TNKS: variants seen among roughly 807,000 people sequenced by gnomAD.
TNKS encodes the protein poly [ADP-ribose] polymerase tankyrase-1.
A neutral mutation model predicts 135.8 loss-of-function variants in TNKS; 72 were observed. The ratio of observed to expected loss-of-function variants is 0.53; its 90% CI spans 0.44 to 0.64. The LOEUF is 0.64. Among genes scored for constraint, TNKS ranks in the 30% least tolerant of loss-of-function variants. TNKS has a pLI of 0.00. For synonymous variants in TNKS, 849 were observed against 649.3 expected (o/e 1.31, Z -4.68); for missense variants, 1,769 against 1,674.0 (o/e 1.06, Z -0.99).
intron 9 of TNKS, 115 bp from the exon 10 acceptor site, chr8:9,709,840 G>A (rs1804234206): frequency 1.3e-6 from 1 of 744,396 alleles, no homozygotes; most frequent in Non-Finnish European, 2.3e-6. Flanking sequence ...ATATACATAT[G>A]TTCTGATACT....
chr8:9,679,636 G>A (rs1802686834), intron 3 of TNKS: 1 of 275,818 alleles, frequency 3.6e-6, no homozygotes, highest in Non-Finnish European at 7.0e-6. Context: ...AGGGGGGAGG[G>A]GACATTGTCT....
chr8:9,634,967 G>C (rs1435908205), intron 3 of TNKS, among the ~76,000 whole-genome samples: 2 of 151,930 alleles, frequency 1.3e-5, no homozygotes, highest in African/African-American at 4.8e-5. Flanking sequence ...CACGAGGTCA[G>C]GAGATCGAGA....
At chr8:9,608,617 T>C (rs1799327114) in intron 2 of TNKS, among the ~76,000 whole-genome samples, 1 of 152,154 alleles carries the variant, frequency 6.6e-6, no homozygotes, top group Non-Finnish European at 1.5e-5. Flanking sequence ...AGCCATGTGA[T>C]CCCTGGGGAC....
intron 1 of TNKS, among the ~76,000 whole-genome samples, chr8:9,563,284 A>G (rs984530766): frequency 6.6e-6 from 1 of 152,088 alleles, no homozygotes; most frequent in Non-Finnish European, 1.5e-5. Context: ...CTATTAAAAA[A>G]TATATATCTT....
At chr8:9,583,677 C>T (rs566154258) in intron 2 of TNKS, among the ~76,000 whole-genome samples, 9 of 151,934 alleles carry the variant, frequency 5.9e-5, no homozygotes, top group African/African-American at 2.2e-4. Context: ...TTATTAGAGA[C>T]AGGGTTTGAC....
At chr8:9,705,398 A>T (rs1292608838) in intron 6 of TNKS, among the ~76,000 whole-genome samples, 3 of 152,248 alleles carry the variant, frequency 2.0e-5, no homozygotes, top group Admixed American at 2.0e-4. Flanking sequence ...AAAGATAATT[A>T]ACCCTACTAC....
At chr8:9,753,534 T>C (rs982684424) in intron 20 of TNKS, among the ~76,000 whole-genome samples, 1 of 152,336 alleles carries the variant, frequency 6.6e-6, no homozygotes, top group Admixed American at 6.5e-5. Context: ...TGTTTTACTG[T>C]TTTCATACAG....
chr8:9,768,368 C>T (rs77600398), intron 25 of TNKS, among the ~76,000 whole-genome samples: 1,758 of 152,312 alleles, frequency 0.012, 33 homozygotes, highest in African/African-American at 0.04. Context: ...TCCGGAGAGG[C>T]TGTATCAACT....
intron 1 of TNKS, among the ~76,000 whole-genome samples, chr8:9,574,267 G>A (rs762888324): frequency 5.9e-5 from 9 of 152,116 alleles, no homozygotes; most frequent in Non-Finnish European, 1.2e-4. Context: ...CAGTTCATCG[G>A]GGTACACTTC....
At chr8:9,658,414 C>A in intron 3 of TNKS, 3 of 1,284,676 alleles carry the variant, frequency 2.3e-6, no homozygotes, top group Non-Finnish European at 2.1e-6. Context: ...ACTCCATCCT[C>A]CCGGCGGTCG....
At chr8:9,583,022 C>T (rs1488884563) in intron 2 of TNKS, among the ~76,000 whole-genome samples, 1 of 151,922 alleles carries the variant, frequency 6.6e-6, no homozygotes, top group African/African-American at 2.4e-5. Context: ...AAAAAATTAG[C>T]TGGGTGTGGT....
intron 26 of TNKS, among the ~76,000 whole-genome samples, chr8:9,772,930 G>T (rs1260945247): frequency 1.3e-5 from 2 of 148,418 alleles, no homozygotes; most frequent in Non-Finnish European, 3.0e-5. Context: ...TAAAGCAAAT[G>T]AGATAAATAA....
intron 1 of TNKS, among the ~76,000 whole-genome samples, chr8:9,579,509 C>T (rs1383677185): frequency 6.6e-6 from 1 of 152,036 alleles, no homozygotes; most frequent in Non-Finnish European, 1.5e-5. Flanking sequence ...CGCACTATTG[C>T]CCAGGCTGGA....
intron 26 of TNKS, among the ~76,000 whole-genome samples, chr8:9,772,675 A>T (rs1026807655): frequency 6.6e-6 from 1 of 152,140 alleles, no homozygotes; most frequent in Admixed American, 6.6e-5. Flanking sequence ...ATGTAAAATT[A>T]TAAGGTTGAT....
chr8:9,763,967 AC>A (rs1407517856), intron 22 of TNKS, among the ~76,000 whole-genome samples: 5 of 151,912 alleles, frequency 3.3e-5, no homozygotes, highest in East Asian at 3.9e-4. Context: ...CAGGACCATG[AC>A]CCCAGGGCTG....
rs781467174 is a variant in TNKS, at chr8:9,615,627, G to A, written c.944G>A (p.Gly315Glu). The A allele has an allele frequency of 6.2e-7, 1 of 1,613,638 alleles. No individual in the cohort carries two copies. The highest frequency in any genetic ancestry group is 1.3e-5 in the African/African-American group (1 of 75,014). ...GADPNIRNTDGKSALDLADPS... is the reference protein window; with the variant it reads ...GADPNIRNTDEKSALDLADPS... Reference sequence around the variant, plus strand: ...GACCCAAACATTCGGAACACTGATGGGAAATCAGCCCTGGACCTGGCAGAT... The same window carrying A: ...GACCCAAACATTCGGAACACTGATGAGAAATCAGCCCTGGACCTGGCAGAT... Residue 315 changes from glycine to glutamate, a missense_variant, in exon 3 of 27, where the codon GGG becomes GAG. Physicochemically the swap from Gly to Glu is moderately conservative, Grantham distance 98 (BLOSUM62 -2). Coordinates refer to ENST00000310430, the MANE Select transcript of TNKS (RefSeq NM_003747.3).
chr8:9,773,015 G>C (rs1461769576), intron 26 of TNKS, among the ~76,000 whole-genome samples: 2 of 151,616 alleles, frequency 1.3e-5, no homozygotes, highest in Admixed American at 6.6e-5. Flanking sequence ...CAACTTACTT[G>C]TAAGTTGGTA....
At chr8:9,747,453 A>C (rs142083180) in intron 17 of TNKS, among the ~76,000 whole-genome samples, 2 of 152,260 alleles carry the variant, frequency 1.3e-5, no homozygotes, top group Non-Finnish European at 2.9e-5. Flanking sequence ...TGCTGCTAAC[A>C]TTTCCTCCAC....
chr8:9,753,700 C>A (rs982328929), intron 20 of TNKS, among the ~76,000 whole-genome samples: 2 of 152,074 alleles, frequency 1.3e-5, no homozygotes, highest in African/African-American at 4.8e-5. Flanking sequence ...GTGTAGGGAT[C>A]ACCCTTGTAT....
Sources: gnomAD v4.1 joint callset for allele counts (sites outside exome capture counted in the v4.1 genomes callset) on GRCh38, gnomAD v4.1.1 for gene constraint, MANE v1.5 for transcripts, NCBI Gene and HGNC (gene_info 2026-07-23, HGNC 2026-07-21) for gene names.